Variants in SLC29A3 observed in about 807,000 individuals in gnomAD.
The protein encoded by SLC29A3 is solute carrier family 29 member 3.
SLC29A3 carries 18 observed loss-of-function variants against 25.4 expected under a neutral mutation model. That is an observed-to-expected ratio of 0.71 (90% confidence interval 0.49 to 1.05). SLC29A3 has a LOEUF of 1.05. Among genes scored for constraint, SLC29A3 ranks in the 50% least tolerant of loss-of-function variants. The pLI, the probability that SLC29A3 is intolerant of heterozygous loss-of-function variation, is 0.00. For synonymous variants in SLC29A3, 258 were observed against 267.1 expected (o/e 0.97, Z 0.33); for missense variants, 586 against 609.0 (o/e 0.96, Z 0.40).
intron 5 of SLC29A3, among the ~76,000 whole-genome samples, chr10:71,359,814 C>G (rs1847008663): frequency 6.6e-6 from 1 of 152,190 alleles, no homozygotes; most frequent in Non-Finnish European, 1.5e-5. Flanking sequence ...ACACACACAC[C>G]CCTACACCAA....
intron 2 of SLC29A3, among the ~76,000 whole-genome samples, chr10:71,337,378 A>G (rs1846279572): frequency 6.6e-6 from 1 of 152,198 alleles, no homozygotes; most frequent in African/African-American, 2.4e-5. Flanking sequence ...AGGCCGCAGA[A>G]CTCAGCTATC....
intron 3 of SLC29A3, among the ~76,000 whole-genome samples, chr10:71,347,696 G>T (rs1303281385): frequency 6.6e-6 from 1 of 152,312 alleles, no homozygotes; most frequent in East Asian, 1.9e-4. Flanking sequence ...TTAGCAGGCG[G>T]GAAGGAGACC....
intron 1 of SLC29A3, among the ~76,000 whole-genome samples, chr10:71,320,790 A>G (rs1409754844): frequency 6.6e-6 from 1 of 152,180 alleles, no homozygotes; most frequent in Admixed American, 6.5e-5. Context: ...TTCAGCAAAC[A>G]TTGACAAGGG....
In SLC29A3 at chr10:71,362,849, A is replaced by G; in HGVS notation, c.*241A>G. 1 of 679,228 alleles carries G rather than the reference A, an allele frequency of 1.5e-6. No individual in the cohort carries two copies. The highest frequency in any genetic ancestry group is 2.7e-6 in the Non-Finnish European group (1 of 372,512). The allele number at this position is 679,228 out of a possible 1,614,324, so 42.1% of individuals were successfully genotyped here. A position where few individuals can be genotyped will look rare whatever the true frequency, so the allele number is the denominator to read the frequency against. On this transcript the variant is annotated 3_prime_UTR_variant, in exon 6 of 6. Transcript: ENST00000373189. ...AGACAGTTGAAGAAGAAATAGCACA[A>G]ATCAGGGGTACTCCCTTCACAGCTG...
intron 2 of SLC29A3, among the ~76,000 whole-genome samples, chr10:71,325,259 A>G (rs1008981879): frequency 5.9e-5 from 9 of 152,162 alleles, no homozygotes; most frequent in African/African-American, 1.9e-4. Context: ...CCTGTTGTCC[A>G]TCTCAAGGAC....
rs961217555 is a variant in SLC29A3 at position 71,362,123 on chromosome 10, G to A, written c.943G>A (p.Val315Ile). ...CAGCCTGGGCTTCTGTGTCACCTAC[G>A]TCTTCTTCATCACCAGCCTCATCTA... ...TASLGFCVTYVFFITSLIYPA... is the reference protein window; with the variant it reads ...TASLGFCVTYIFFITSLIYPA... Residue 315 changes from valine (V) to isoleucine (I), a missense_variant, in exon 6 of 6, where the codon GTC becomes ATC. Transcript: ENST00000373189. 7.4e-6 allele frequency: 12 copies of A among 1,613,878 alleles called. No individual in the cohort carries two copies. The highest frequency in any genetic ancestry group is 4.5e-5 in the East Asian group (2 of 44,892).
At chr10:71,340,558 C>T (rs1645823319) in intron 2 of SLC29A3, among the ~76,000 whole-genome samples, 2 of 152,134 alleles carry the variant, frequency 1.3e-5, no homozygotes, top group African/African-American at 4.8e-5. Context: ...AGGAATCAGG[C>T]CCCAGTGGAG....
At chr10:71,372,673 G>T (rs780698) in intron 3 of SLC29A3, among the ~76,000 whole-genome samples, 85,427 of 152,032 alleles carry the variant, frequency 0.56, 24,754 homozygotes, top group Middle Eastern at 0.64. Flanking sequence ...TGCTGTTCCA[G>T]TTGAGGCCTC....
chr10:71,346,778 G>A (rs1016029833), intron 3 of SLC29A3, among the ~76,000 whole-genome samples: 2 of 152,296 alleles, frequency 1.3e-5, no homozygotes, highest in Non-Finnish European at 2.9e-5. Context: ...TAGTTCCCCA[G>A]CTTTGCACCC....
At chr10:71,351,539 T>G in intron 3 of SLC29A3, 23 bp from the exon 4 acceptor site, 1 of 1,612,116 alleles carries the variant, frequency 6.2e-7, no homozygotes, top group Non-Finnish European at 8.5e-7. Context: ...GGTGTCTAAC[T>G]GCTTCTGGCA....
At chr10:71,376,730 A>G (rs1203790817) in intron 4 of SLC29A3, among the ~76,000 whole-genome samples, 1 of 152,198 alleles carries the variant, frequency 6.6e-6, no homozygotes, top group African/African-American at 2.4e-5. Flanking sequence ...GCTGAGTAGC[A>G]GCAATTAGAA....
intron 2 of SLC29A3, among the ~76,000 whole-genome samples, chr10:71,340,042 T>C (rs979288376): frequency 6.6e-6 from 1 of 152,214 alleles, no homozygotes; most frequent in African/African-American, 2.4e-5. Flanking sequence ...GGTGCTGACC[T>C]GCACAGAAGT....
chr10:71,353,678 C>T (rs956927838), intron 4 of SLC29A3, among the ~76,000 whole-genome samples: 1 of 152,212 alleles, frequency 6.6e-6, no homozygotes, highest in African/African-American at 2.4e-5. Flanking sequence ...CAAGGTGTCC[C>T]AGTCTTCCAG....
chr10:71,320,667 A>G (rs977854991), intron 1 of SLC29A3, among the ~76,000 whole-genome samples: 1 of 152,152 alleles, frequency 6.6e-6, no homozygotes, highest in Non-Finnish European at 1.5e-5. Context: ...TTTAAAATAG[A>G]CTTGCTGGCT....
intron 5 of SLC29A3, among the ~76,000 whole-genome samples, 185 bp from the exon 6 acceptor site, chr10:71,361,769 G>T (rs558256828): frequency 6.6e-5 from 10 of 152,292 alleles, no homozygotes; most frequent in Non-Finnish European, 1.3e-4. Flanking sequence ...CAGGGACAAC[G>T]CAGGCCTTCC....
At chr10:71,319,378 C>T (rs1328259282) in intron 1 of SLC29A3, 68 bp downstream of exon 1, 6 of 596,844 alleles carry the variant, frequency 1.0e-5, no homozygotes, top group Non-Finnish European at 1.8e-5. Context: ...CGCTCAGCGA[C>T]CTCCCTCCCG....
intron 2 of SLC29A3, among the ~76,000 whole-genome samples, chr10:71,331,967 C>G (rs115557797): frequency 0.026 from 3,970 of 152,160 alleles, 163 homozygotes; most frequent in African/African-American, 0.088. Context: ...GCCAGGTGGT[C>G]CTGTTGCCAG....
At chr10:71,351,878 G>A (rs1349849526) in intron 4 of SLC29A3, 90 bp downstream of exon 4, 4 of 1,176,642 alleles carry the variant, frequency 3.4e-6, no homozygotes, top group Non-Finnish European at 4.9e-6. Flanking sequence ...GGCCTTTTCT[G>A]AAAAGGAAAT....
intron 4 of SLC29A3, among the ~76,000 whole-genome samples, chr10:71,378,071 T>C (rs558125209): frequency 8.4e-6 from 1 of 118,602 alleles, no homozygotes; most frequent in African/African-American, 3.3e-5. Flanking sequence ...CCAGGTTTTA[T>C]GGGGTCTGAA....
Sources: allele counts gnomAD v4.1 joint callset (sites outside exome capture counted in the v4.1 genomes callset), GRCh38; gene constraint gnomAD v4.1.1; transcripts MANE v1.5; gene names NCBI Gene and HGNC (gene_info 2026-07-23, HGNC 2026-07-21).